Variants in PCDHA2 observed in about 807,000 individuals in gnomAD.
The protein encoded by PCDHA2 is protocadherin alpha-2.
A neutral mutation model predicts 66.0 loss-of-function variants in PCDHA2; 58 were observed. The ratio of observed to expected loss-of-function variants is 0.88; its 90% CI spans 0.71 to 1.09. The LOEUF (loss-of-function observed/expected upper bound fraction) is 1.09, where lower values mean the gene tolerates loss of function less well. PCDHA2 is among the 50% of genes least tolerant of loss of function. The probability of loss-of-function intolerance (pLI) is 0.00; values close to 1 mark genes in which losing one functional copy is unlikely to be tolerated. For missense variants in PCDHA2, 1,267 were observed against 1,242.3 expected, an observed-to-expected ratio of 1.02 and a Z score of -0.30; for synonymous variants, 634 against 554.0, an observed-to-expected ratio of 1.14 and a Z score of -2.03.
At chr5:140,893,987 T>A (rs112405686) in intron 1 of PCDHA2, among the ~76,000 whole-genome samples, 1 of 152,202 alleles carries the variant, frequency 6.6e-6, no homozygotes, top group Non-Finnish European at 1.5e-5. Context: ...TTTTAAAATA[T>A]CTCCAATTGT....
At chr5:140,981,077 G>C (rs1178580802) in intron 2 of PCDHA2, among the ~76,000 whole-genome samples, 1 of 152,168 alleles carries the variant, frequency 6.6e-6, no homozygotes, top group Non-Finnish European at 1.5e-5. Flanking sequence ...GGGAAGAATA[G>C]TAAAAGGTCA....
At chr5:141,008,985 A>G (rs566679512) in intron 3 of PCDHA2, among the ~76,000 whole-genome samples, 2 of 152,240 alleles carry the variant, frequency 1.3e-5, no homozygotes, top group South Asian at 4.1e-4. Context: ...AGTTTAATCT[A>G]GACACTAAAA....
intron 1 of PCDHA2, among the ~76,000 whole-genome samples, chr5:140,939,509 C>T (rs1013863525): frequency 9.3e-5 from 14 of 150,592 alleles, no homozygotes; most frequent in Non-Finnish European, 1.8e-4. Flanking sequence ...ATGTCTATAA[C>T]ATTAATAGTT....
rs782631166 is a variant in PCDHA2, at chr5:140,857,398, C to T, written c.2388+60046C>T. 1.3e-5 allele frequency: 21 copies of T among 1,598,542 alleles called. 2 individuals are homozygous for T. Among genetic ancestry groups the T allele is most frequent in the African/African-American group, 2.7e-5 (2 of 74,494 alleles). ...TGGAGGTGGCCGACGTGAACGACAA[C>T]GCGCCTGCGTTCGCGCAGTCCGAGT... On this transcript the variant is annotated intron_variant, in intron 1 of 3. Coordinates refer to ENST00000526136, the MANE Select transcript of PCDHA2 (RefSeq NM_018905.3).
chr5:140,905,158 T>C (rs2071634583), intron 1 of PCDHA2, among the ~76,000 whole-genome samples: 1 of 152,256 alleles, frequency 6.6e-6, no homozygotes, highest in South Asian at 2.1e-4. Context: ...TTTAGAATTT[T>C]CATGGTTTCA....
chr5:140,877,288 T>G (rs782747810), intron 1 of PCDHA2: 3 of 1,613,908 alleles, frequency 1.9e-6, no homozygotes, highest in East Asian at 4.5e-5. Flanking sequence ...CTATAACGCT[T>G]GGCTGTCCTA....
rs562918602 is a variant in PCDHA2, at chr5:140,796,428, G to C, written c.1464G>C (p.Ala488=). The C allele has an allele frequency of 7.5e-5, 121 of 1,613,742 alleles. 1 individual carries two copies. Among genetic ancestry groups the C allele is most frequent in the Admixed American group, 2.8e-4 (17 of 60,028 alleles). The change falls in exon 1 of 4, where the codon GCG becomes GCC. Residue 488 remains alanine (A), a synonymous_variant. Coordinates refer to ENST00000526136, the MANE Select transcript of PCDHA2 (RefSeq NM_018905.3). ...GGGATGCGGACGCGCAGGAGAACGC[G>C]CTGGTGTCCTACTCGCTGGTGGAGC... ...SAWDADAQEN[A]LVSYSLVERR...
chr5:140,884,319 C>T lies in PCDHA2; in HGVS notation c.2388+86967C>T. ...CCACAGGCTTCGTCGAGGGCGTCGG[C>T]AGGCGCTGTGGGTCCAGAAGCGGCG... On this transcript the variant is annotated intron_variant, in intron 1 of 3. Transcript: ENST00000526136. 6.2e-7 allele frequency: 1 copy of T among 1,613,800 alleles called. No homozygotes were observed. The highest frequency in any genetic ancestry group is 8.5e-7 in the Non-Finnish European group (1 of 1,179,860).
intron 1 of PCDHA2, among the ~76,000 whole-genome samples, chr5:140,945,407 T>G (rs554073823): frequency 6.6e-6 from 1 of 152,128 alleles, no homozygotes; most frequent in Non-Finnish European, 1.5e-5. Context: ...ATACAATTCG[T>G]ATCAAAATTT....
At chr5:140,823,678 T>A in intron 1 of PCDHA2, 1 of 1,613,954 alleles carries the variant, frequency 6.2e-7, no homozygotes, top group South Asian at 1.1e-5. Flanking sequence ...CACAACACGC[T>A]CTCTGGATGA....
intron 1 of PCDHA2, among the ~76,000 whole-genome samples, chr5:140,959,004 C>G (rs1554223791): frequency 6.6e-6 from 1 of 151,642 alleles, no homozygotes; most frequent in African/African-American, 2.4e-5. Flanking sequence ...TTTACTGTAC[C>G]TAATTTATAC....
chr5:140,929,159 A>G lies in PCDHA2; in HGVS notation c.2389-49790A>G, dbSNP rs781818133. The G allele has an allele frequency of 1.7e-5, 27 of 1,613,968 alleles. No homozygotes were observed. Among genetic ancestry groups the G allele is most frequent in the South Asian group, 1.4e-4 (13 of 91,088 alleles). On this transcript the variant is annotated intron_variant, in intron 1 of 3. Coordinates refer to ENST00000526136, the MANE Select transcript of PCDHA2 (RefSeq NM_018905.3). The stretch of plus-strand genomic sequence containing the variant: ...GAGAGACTTTCTCAGACTTATCTCT[A>G]TCGGGCCTCTCTGGGACTTGGTTCT...
chr5:140,913,462 G>A (rs1300773586), intron 1 of PCDHA2, among the ~76,000 whole-genome samples: 1 of 151,764 alleles, frequency 6.6e-6, no homozygotes, highest in African/African-American at 2.4e-5. Context: ...TTATTTACTT[G>A]GGTCTTCTCT....
chr5:140,998,594 T>A (rs1396456161), intron 3 of PCDHA2, among the ~76,000 whole-genome samples: 4 of 152,076 alleles, frequency 2.6e-5, no homozygotes, highest in Non-Finnish European at 5.9e-5. Context: ...GACAGAGTTT[T>A]GCTCTTGTTG....
intron 3 of PCDHA2, among the ~76,000 whole-genome samples, chr5:140,994,027 A>G (rs1237081548): frequency 2.6e-5 from 4 of 152,234 alleles, no homozygotes; most frequent in Non-Finnish European, 2.9e-5. Context: ...TGCAGATATA[A>G]TATTAAATAT....
At chr5:140,841,266 C>T in intron 1 of PCDHA2, 3 of 1,522,300 alleles carry the variant, frequency 2.0e-6, no homozygotes, top group Non-Finnish European at 2.6e-6. Flanking sequence ...TCTGAAAGTA[C>T]AGTCGTTCAT....
At chr5:140,895,868 A>G (rs555320203) in intron 1 of PCDHA2, among the ~76,000 whole-genome samples, 5 of 152,228 alleles carry the variant, frequency 3.3e-5, no homozygotes, top group Admixed American at 6.5e-5. Flanking sequence ...CTGGAGTGCA[A>G]TGGCGCGATC....
chr5:140,858,664 A>C lies in PCDHA2; in HGVS notation c.2388+61312A>C, dbSNP rs972477672. ...TGGTACTTAAATTTTTTTAAATAAC[A>C]ATTTATTCTGAATACACTAATATTT... On this transcript the variant is annotated intron_variant, in intron 1 of 3. Transcript: ENST00000526136. 30 of 728,612 alleles carry C rather than the reference A, an allele frequency of 4.1e-5. No homozygotes were observed. In the African/African-American group the frequency reaches 4.8e-4, roughly 12 times the overall value. 45.1% of individuals were successfully genotyped at this position (728,612 alleles called of 1,614,324 possible).
intron 1 of PCDHA2, chr5:140,853,738 T>A: frequency 2.0e-6 from 2 of 988,624 alleles, no homozygotes. Context: ...CATTGAATGT[T>A]CTGGTTCAAG....
Sources: gnomAD v4.1 joint callset for allele counts (sites outside exome capture counted in the v4.1 genomes callset) on GRCh38, gnomAD v4.1.1 for gene constraint, MANE v1.5 for transcripts, NCBI Gene and HGNC (gene_info 2026-07-23, HGNC 2026-07-21) for gene names.